AFF1: variants seen among roughly 807,000 people sequenced by gnomAD.
The protein encoded by AFF1 is ALF transcription elongation factor 1.
AFF1 carries 48 observed loss-of-function variants against 121.7 expected under a neutral mutation model. That is an observed-to-expected ratio of 0.39 (90% CI 0.31 to 0.50). The LOEUF (loss-of-function observed/expected upper bound fraction) is 0.50. Among genes scored for constraint, AFF1 ranks in the 20% least tolerant of loss-of-function variants. The probability of loss-of-function intolerance (pLI) is 0.76; values close to 1 mark genes in which losing one functional copy is unlikely to be tolerated. For missense variants in AFF1, 1,523 were observed against 1,511.7 expected (o/e 1.01, Z -0.12); for synonymous variants, 613 against 563.0 (o/e 1.09, Z -1.26).
intron 2 of AFF1, among the ~76,000 whole-genome samples, chr4:87,031,021 C>T (rs895540843): frequency 1.7e-4 from 26 of 152,066 alleles, no homozygotes; most frequent in African/African-American, 6.0e-4. Context: ...AATTTGAGAT[C>T]GTTGTTTCAG....
In AFF1 at chr4:87,136,857, C is replaced by G; in HGVS notation, c.*1156C>G. ...TGATTGTCTAGGGGAAGTTAACTCC[C>G]TGAGAGGATGTAGAGATTTGGGGTG... On this transcript the variant is annotated 3_prime_UTR_variant, in exon 21 of 21. Coordinates refer to ENST00000395146, the MANE Select transcript of AFF1 (RefSeq NM_001166693.3). 1 of 221,352 alleles carries G rather than the reference C, an allele frequency of 4.5e-6. No homozygotes were observed. The allele number at this position is 221,352 out of a possible 1,614,324, so 13.7% of individuals were successfully genotyped here.
At chr4:86,972,853 A>G (rs1420856144) in intron 2 of AFF1, among the ~76,000 whole-genome samples, 2 of 152,146 alleles carry the variant, frequency 1.3e-5, no homozygotes, top group Non-Finnish European at 2.9e-5. Context: ...TATTATTTAG[A>G]TTTATTCCAC....
intron 2 of AFF1, among the ~76,000 whole-genome samples, chr4:87,045,063 A>G (rs1730535561): frequency 6.6e-6 from 1 of 152,074 alleles, no homozygotes; most frequent in South Asian, 2.1e-4. Context: ...GATGTGGGGG[A>G]GGCAGGGAGA....
chr4:86,955,807 T>C (rs928510972), intron 2 of AFF1, among the ~76,000 whole-genome samples: 3 of 152,310 alleles, frequency 2.0e-5, no homozygotes, highest in Admixed American at 6.5e-5. Flanking sequence ...TGGGAAGATT[T>C]GAGGGATTGG....
intron 2 of AFF1, among the ~76,000 whole-genome samples, chr4:86,978,485 A>T (rs1476508074): frequency 6.6e-6 from 1 of 151,982 alleles, no homozygotes; most frequent in African/African-American, 2.4e-5. Flanking sequence ...CCCGGCCTAC[A>T]TTCACTTTTA....
intron 16 of AFF1, among the ~76,000 whole-genome samples, chr4:87,127,967 A>G (rs1290174145): frequency 1.3e-5 from 2 of 152,214 alleles, no homozygotes; most frequent in African/African-American, 2.4e-5. Context: ...CAGTCTGATC[A>G]TGGGCAGATA....
At chr4:87,073,118 A>G (rs955417885) in intron 4 of AFF1, among the ~76,000 whole-genome samples, 1 of 151,940 alleles carries the variant, frequency 6.6e-6, no homozygotes, top group African/African-American at 2.4e-5. Flanking sequence ...GAAAAGCAAA[A>G]TACTTCCTTA....
chr4:86,997,461 T>C (rs1725302771), intron 2 of AFF1, among the ~76,000 whole-genome samples: 1 of 152,184 alleles, frequency 6.6e-6, no homozygotes, highest in South Asian at 2.1e-4. Context: ...GCATTCTAAA[T>C]ATTTAAAAAT....
rs145558007 is a variant in AFF1, at chr4:87,127,027, G to A, written c.2813G>A (p.Gly938Asp). The stretch of plus-strand genomic sequence containing the variant: ...TGTATATTGATTTTTTTTTTGAAGG[G>A]TTCTTCCGGAGATACTGCAAATCCT... ...KGSRSSSEHK[G>D]SSGDTANPFP... The change falls in exon 15 of 21, where the codon GGT becomes GAT. Residue 938 changes from glycine to aspartate, a missense_variant and splice_region_variant. This residue lies in a region of AFF1 where 905 missense variants were observed against 842.5 expected (regional missense o/e 1.07). Coordinates refer to ENST00000395146, the MANE Select transcript of AFF1 (RefSeq NM_001166693.3). 1.1e-5 allele frequency: 18 copies of A among 1,611,242 alleles called. No individual in the cohort carries two copies. In the African/African-American group the frequency reaches 2.1e-4, roughly 19 times the overall value.
At chr4:87,091,013 T>C (rs2149715431) in intron 6 of AFF1, among the ~76,000 whole-genome samples, 1 of 100,338 alleles carries the variant, frequency 1.0e-5, no homozygotes, top group Middle Eastern at 6.3e-3. Flanking sequence ...ACCCCGTCTC[T>C]CTACCACCAA....
At position 87,112,569 on chromosome 4, in the gene AFF1, C is replaced by A. The variant is rs1364354459; in HGVS notation, c.1534-1798C>A. ...CTACCTGATCCTTTTATTACCTAACCTTTTCCTGGCCAAAAAGCCTTTATG... is the reference window on the plus strand; with the variant it reads ...CTACCTGATCCTTTTATTACCTAACATTTTCCTGGCCAAAAAGCCTTTATG... On this transcript the variant is annotated intron_variant, in intron 11 of 20. Coordinates refer to ENST00000395146, the MANE Select transcript of AFF1 (RefSeq NM_001166693.3). Among the ~76,000 whole-genome samples the A allele has an allele frequency of 2.0e-5, 3 of 152,194 alleles. 1 individual carries two copies. In the South Asian group the frequency reaches 6.2e-4, roughly 32 times the overall value.
chr4:87,030,849 T>A (rs1729005302), intron 2 of AFF1, among the ~76,000 whole-genome samples: 1 of 152,166 alleles, frequency 6.6e-6, no homozygotes. Context: ...TTCCCAAGAT[T>A]GAGCCTCTTT....
chr4:87,007,293 GCGCCGGGACGCGTCCC>G, intron 2 of AFF1: 1 of 1,568,564 alleles, frequency 6.4e-7, no homozygotes, highest in South Asian at 1.2e-5. Context: ...TCGGGGCGCC[GCGCCGGGACGCGTCCC>G]CGCCCGGCTC....
intron 4 of AFF1, among the ~76,000 whole-genome samples, chr4:87,063,256 T>A (rs985521018): frequency 7.4e-6 from 1 of 134,552 alleles, no homozygotes; most frequent in African/African-American, 2.9e-5. Flanking sequence ...TTTTTTTTTT[T>A]GAGACAGAGT....
chr4:87,006,847 C>T lies in AFF1; in HGVS notation c.39-39319C>T, dbSNP rs1207945303. The T allele has an allele frequency of 1.9e-5, 11 of 581,680 alleles. 1 individual carries two copies. The East Asian group carries it at 6.3e-4, about 33-fold the overall frequency. The allele number at this position is 581,680 out of a possible 1,614,324, so 36.0% of individuals were successfully genotyped here. A position where few individuals can be genotyped will look rare whatever the true frequency, so the allele number is the denominator to read the frequency against. On this transcript the variant is annotated intron_variant, in intron 2 of 20. Coordinates refer to ENST00000395146, the MANE Select transcript of AFF1 (RefSeq NM_001166693.3). The stretch of plus-strand genomic sequence containing the variant: ...TCGGCGCCCAGGCTCTGCCCCCTAC[C>T]CGACCCTGCCTGCCGCTTGCCGCCT...
At chr4:87,111,241 T>C (rs1404620503) in intron 11 of AFF1, among the ~76,000 whole-genome samples, 1 of 116,884 alleles carries the variant, frequency 8.6e-6, no homozygotes, top group African/African-American at 3.0e-5. Flanking sequence ...ATGGTCTCGA[T>C]CTCCTGACCT....
rs568570580 is a variant in AFF1 at position 86,981,621 on chromosome 4, G to A, written c.38+33050G>A. On this transcript the variant is annotated intron_variant, in intron 2 of 20. Coordinates refer to ENST00000395146, the MANE Select transcript of AFF1 (RefSeq NM_001166693.3). ...TGGCCTCAAGGGATCCACCTGTCTC[G>A]ATCTCCCCAAAGTGCTGGGATTACA... Among the ~76,000 whole-genome samples, 67 of 152,150 alleles carry A rather than the reference G, an allele frequency of 4.4e-4. No homozygotes were observed. In the Middle Eastern group the frequency reaches 0.01, roughly 23 times the overall value.
In AFF1 at chr4:87,135,181, T is replaced by C. The variant is rs549986268; in HGVS notation, c.3536-399T>C. 1.4e-3 allele frequency among the ~76,000 whole-genome samples: 218 copies of C among 152,336 alleles called. 1 individual carries two copies. The highest frequency in any genetic ancestry group is 2.2e-3 in the Non-Finnish European group (152 of 68,028). On this transcript the variant is annotated intron_variant, in intron 20 of 20. Transcript: ENST00000395146. Reference sequence around the variant, plus strand: ...GAGACTTGTTTGGGGAAGAAGACCCTTGGAGAAATGCAAGGTTCAGGAGAG... The same window carrying C: ...GAGACTTGTTTGGGGAAGAAGACCCCTGGAGAAATGCAAGGTTCAGGAGAG...
chr4:87,133,257 A>G (rs1729003831), intron 19 of AFF1, among the ~76,000 whole-genome samples: 1 of 152,228 alleles, frequency 6.6e-6, no homozygotes, highest in Non-Finnish European at 1.5e-5. Context: ...GAATCCTTGT[A>G]CAAGTGTTTT....
Sources: allele counts gnomAD v4.1 joint callset (sites outside exome capture counted in the v4.1 genomes callset), GRCh38; gene constraint gnomAD v4.1.1; regional missense constraint gnomAD v4.1.1; transcripts MANE v1.5; gene names NCBI Gene and HGNC (gene_info 2026-07-23, HGNC 2026-07-21).